The following TMEM117 variants were observed in gnomAD, a reference collection of about 807,000 sequenced individuals.
The protein encoded by TMEM117 is transmembrane protein 117.
TMEM117 carries 27 observed loss-of-function variants against 52.4 expected under a neutral mutation model. The ratio of observed to expected loss-of-function variants is 0.51; its 90% CI spans 0.38 to 0.71. The LOEUF (loss-of-function observed/expected upper bound fraction) is 0.71, where lower values mean the gene tolerates loss of function less well. Ranked by LOEUF, TMEM117 falls within the 30% of genes least tolerant of loss-of-function variation. The probability of loss-of-function intolerance (pLI) is 0.00; values close to 1 mark genes in which losing one functional copy is unlikely to be tolerated. For synonymous variants in TMEM117, 215 were observed against 206.3 expected, an observed-to-expected ratio of 1.04 and a Z score of -0.36; for missense variants, 556 against 630.5, an observed-to-expected ratio of 0.88 and a Z score of 1.26.
At chr12:43,909,794 G>A (rs1365947567) in intron 2 of TMEM117, among the ~76,000 whole-genome samples, 1 of 138,034 alleles carries the variant, frequency 7.2e-6, no homozygotes, top group Non-Finnish European at 1.6e-5. Flanking sequence ...ACTAAACCAG[G>A]AAGAAGTTGA....
At chr12:43,976,791 G>C (rs1945678071) in intron 3 of TMEM117, among the ~76,000 whole-genome samples, 1 of 152,164 alleles carries the variant, frequency 6.6e-6, no homozygotes, top group African/African-American at 2.4e-5. Flanking sequence ...GTTGATTGAA[G>C]AGTATAGATG....
intron 5 of TMEM117, among the ~76,000 whole-genome samples, chr12:44,288,015 G>A (rs1950658253): frequency 6.6e-6 from 1 of 152,172 alleles, no homozygotes. Context: ...CTGCATGGCA[G>A]TTTTACAGAA....
chr12:43,958,954 C>G (rs920004240), intron 3 of TMEM117, among the ~76,000 whole-genome samples: 1 of 152,010 alleles, frequency 6.6e-6, no homozygotes, highest in Non-Finnish European at 1.5e-5. Context: ...CTGCAGGCGC[C>G]CACCACCACG....
intron 1 of TMEM117, among the ~76,000 whole-genome samples, 182 bp downstream of exon 1, chr12:43,836,378 C>T (rs1215861380): frequency 1.3e-5 from 2 of 152,202 alleles, no homozygotes; most frequent in Non-Finnish European, 2.9e-5. Flanking sequence ...CTCCTGCCTT[C>T]CTGGGGATGG....
intron 5 of TMEM117, among the ~76,000 whole-genome samples, chr12:44,238,617 C>T (rs1950026709): frequency 6.6e-6 from 1 of 151,964 alleles, no homozygotes; most frequent in African/African-American, 2.4e-5. Flanking sequence ...TACACTCCAG[C>T]CTAGGGAACA....
intron 3 of TMEM117, among the ~76,000 whole-genome samples, chr12:43,970,796 T>C (rs1289062461): frequency 2.0e-5 from 3 of 152,176 alleles, no homozygotes; most frequent in Non-Finnish European, 4.4e-5. Flanking sequence ...AGGGTTTTAA[T>C]CTTGTTTTCT....
At chr12:43,975,072 A>G (rs1374131170) in intron 3 of TMEM117, among the ~76,000 whole-genome samples, 1 of 152,164 alleles carries the variant, frequency 6.6e-6, no homozygotes, top group Non-Finnish European at 1.5e-5. Context: ...TTGAGCTACC[A>G]CTTGTCTGCC....
chr12:43,888,516 T>C (rs1278668016), intron 2 of TMEM117, among the ~76,000 whole-genome samples: 1 of 151,416 alleles, frequency 6.6e-6, no homozygotes, highest in Non-Finnish European at 1.5e-5. Context: ...TGAGCCCTTA[T>C]TGTGTACTTT....
chr12:44,319,429 CCT>C (rs1397603945), intron 6 of TMEM117, among the ~76,000 whole-genome samples: 1 of 152,152 alleles, frequency 6.6e-6, no homozygotes, highest in Non-Finnish European at 1.5e-5. Flanking sequence ...CTGCCCACCC[CCT>C]GTTCTGGGTC....
At chr12:43,861,821 A>G (rs1943494960) in intron 2 of TMEM117, among the ~76,000 whole-genome samples, 3 of 152,122 alleles carry the variant, frequency 2.0e-5, no homozygotes, top group South Asian at 4.1e-4. Context: ...AACACTCAAG[A>G]TTTTTGTTCT....
At chr12:43,955,920 C>T (rs1437835174) in intron 3 of TMEM117, among the ~76,000 whole-genome samples, 1 of 152,148 alleles carries the variant, frequency 6.6e-6, no homozygotes, top group Admixed American at 6.5e-5. Context: ...ATCAAAACAG[C>T]ATGGTACTGG....
Position 44,304,153 on chromosome 12 carries a change from G to A in TMEM117, c.768+4414G>A, listed in dbSNP as rs187516423. On this transcript the variant is annotated intron_variant, in intron 6 of 7. Coordinates refer to ENST00000266534, the MANE Select transcript of TMEM117 (RefSeq NM_032256.3). ...GATACCTCTCTTCCCCCATCCCCCAGCAGTGGCCACGTGGCACAGAATCTA... is the reference window on the plus strand; with the variant it reads ...GATACCTCTCTTCCCCCATCCCCCAACAGTGGCCACGTGGCACAGAATCTA... 1.2e-4 allele frequency among the ~76,000 whole-genome samples: 19 copies of A among 152,294 alleles called. No individual in the cohort carries two copies. The East Asian group carries it at 3.5e-3, about 28-fold the overall frequency.
upstream of TMEM117, among the ~76,000 whole-genome samples, chr12:43,834,479 A>G (rs894513439): frequency 6.6e-6 from 1 of 152,244 alleles, no homozygotes; most frequent in Non-Finnish European, 1.5e-5. Context: ...AAAGAACAAC[A>G]AAAGTGTAAT....
chr12:44,225,264 G>A (rs1364015967), intron 5 of TMEM117, among the ~76,000 whole-genome samples: 1 of 152,086 alleles, frequency 6.6e-6, no homozygotes, highest in South Asian at 2.1e-4. Context: ...ATACCATGAA[G>A]TAACATAGTG....
the TMEM117 span, among the ~76,000 whole-genome samples, chr12:43,819,633 C>T: frequency 1.3e-5 from 2 of 152,228 alleles, no homozygotes; most frequent in African/African-American, 4.8e-5. Context: ...ATTAGCTGGG[C>T]GTGGTGGCGC....
chr12:44,134,002 C>T (rs1565842428), intron 3 of TMEM117, among the ~76,000 whole-genome samples: 2 of 152,182 alleles, frequency 1.3e-5, no homozygotes, highest in African/African-American at 4.8e-5. Flanking sequence ...CCTCCACTCT[C>T]TCCAGGTTAC....
chr12:44,360,348 G>A (rs1442216064), intron 6 of TMEM117, among the ~76,000 whole-genome samples: 79 of 152,056 alleles, frequency 5.2e-4, no homozygotes, highest in Admixed American at 5.2e-3. Context: ...GGGAGGCCGA[G>A]GTGGAAGGAT....
chr12:44,017,056 G>A (rs1357612595), intron 3 of TMEM117, among the ~76,000 whole-genome samples: 1 of 152,098 alleles, frequency 6.6e-6, no homozygotes, highest in African/African-American at 2.4e-5. Context: ...GGTGGCAAAT[G>A]TGTCACTATC....
At chr12:44,299,460 T>C in intron 5 of TMEM117, 120 bp from the exon 6 acceptor site, 1 of 1,307,586 alleles carries the variant, frequency 7.6e-7, no homozygotes, top group East Asian at 2.4e-5. Context: ...TTTTGGCTAA[T>C]ATACCTTAGG....
Sources: gnomAD v4.1 joint callset for allele counts (sites outside exome capture counted in the v4.1 genomes callset) on GRCh38, gnomAD v4.1.1 for gene constraint, MANE v1.5 for transcripts, NCBI Gene and HGNC (gene_info 2026-07-23, HGNC 2026-07-21) for gene names.